CCDC178: variants seen among roughly 807,000 people sequenced by gnomAD.
The protein encoded by CCDC178 is coiled-coil domain-containing protein 178.
CCDC178 carries 126 observed loss-of-function variants against 117.4 expected under a neutral mutation model. The ratio of observed to expected loss-of-function variants is 1.07; its 90% CI spans 0.93 to 1.24. CCDC178 has a LOEUF of 1.24. Among genes scored for constraint, CCDC178 ranks in the 50% most tolerant of loss-of-function variants. The pLI, the probability that CCDC178 is intolerant of heterozygous loss-of-function variation, is 0.00. For synonymous variants in CCDC178, 283 were observed against 313.4 expected (o/e 0.90, Z 1.02); for missense variants, 1,030 against 986.9 (o/e 1.04, Z -0.59).
chr18:33,055,099 C>T (rs1000555801), intron 21 of CCDC178, among the ~76,000 whole-genome samples: 4 of 152,054 alleles, frequency 2.6e-5, no homozygotes, highest in Non-Finnish European at 5.9e-5. Flanking sequence ...CTGTTCATGT[C>T]CTTTGCCTAC....
At chr18:33,065,684 A>C (rs929990398) in intron 21 of CCDC178, among the ~76,000 whole-genome samples, 1 of 152,156 alleles carries the variant, frequency 6.6e-6, no homozygotes, top group Non-Finnish European at 1.5e-5. Flanking sequence ...TTATAAAAGC[A>C]GCAAGAGAAA....
intron 19 of CCDC178, among the ~76,000 whole-genome samples, chr18:33,213,955 A>G (rs1197250759): frequency 1.3e-5 from 2 of 152,058 alleles, no homozygotes; most frequent in African/African-American, 2.4e-5. Flanking sequence ...TATGCCCACT[A>G]TGAGTTCTCA....
intron 2 of CCDC178, among the ~76,000 whole-genome samples, chr18:33,435,165 A>G (rs1202532226): frequency 1.3e-5 from 2 of 152,162 alleles, no homozygotes; most frequent in African/African-American, 2.4e-5. Flanking sequence ...CTTAAGAGTT[A>G]ATTATATTTT....
chr18:33,430,683 G>T (rs2064201042), intron 2 of CCDC178, among the ~76,000 whole-genome samples: 1 of 152,158 alleles, frequency 6.6e-6, no homozygotes, highest in Non-Finnish European at 1.5e-5. Flanking sequence ...TCAAAGAAGA[G>T]ATCTTTGTTT....
chr18:33,037,058 G>A (rs895643323), intron 21 of CCDC178, among the ~76,000 whole-genome samples: 1 of 151,826 alleles, frequency 6.6e-6, no homozygotes, highest in Non-Finnish European at 1.5e-5. Flanking sequence ...AGTTCTTCAG[G>A]AACCAAGGCA....
At chr18:33,192,657 T>C (rs1403455257) in intron 20 of CCDC178, among the ~76,000 whole-genome samples, 1 of 152,014 alleles carries the variant, frequency 6.6e-6, no homozygotes. Flanking sequence ...TCCTAGCACT[T>C]TGCGAGGCCG....
intron 20 of CCDC178, among the ~76,000 whole-genome samples, chr18:33,130,878 C>T (rs1201419157): frequency 6.6e-6 from 1 of 151,892 alleles, no homozygotes; most frequent in African/African-American, 2.4e-5. Context: ...AAAGGAATTA[C>T]ACAATTTATT....
intron 20 of CCDC178, among the ~76,000 whole-genome samples, chr18:33,126,707 G>A (rs942018592): frequency 2.0e-5 from 3 of 151,898 alleles, no homozygotes; most frequent in Non-Finnish European, 2.9e-5. Flanking sequence ...TGCCCAGGCT[G>A]CAGTGCAGTG....
chr18:33,403,802 G>T (rs1432813005), intron 3 of CCDC178, among the ~76,000 whole-genome samples: 2 of 152,080 alleles, frequency 1.3e-5, no homozygotes, highest in African/African-American at 4.8e-5. Context: ...GCTGAGTGTG[G>T]ACTAGTTTGA....
intron 7 of CCDC178, among the ~76,000 whole-genome samples, chr18:33,351,020 C>T (rs1357519675): frequency 6.6e-6 from 1 of 152,084 alleles, no homozygotes; most frequent in East Asian, 1.9e-4. Context: ...CATAAATATC[C>T]TTTATTGTGT....
At chr18:33,148,376 AC>A (rs1229590079) in intron 20 of CCDC178, among the ~76,000 whole-genome samples, 1 of 151,996 alleles carries the variant, frequency 6.6e-6, no homozygotes, top group Non-Finnish European at 1.5e-5. Context: ...TGGTGGCAGT[AC>A]AGTCCAGCTT....
At chr18:33,439,367 A>G (rs1276233261) in intron 2 of CCDC178, among the ~76,000 whole-genome samples, 1 of 152,188 alleles carries the variant, frequency 6.6e-6, no homozygotes, top group African/African-American at 2.4e-5. Flanking sequence ...GTTGTGGATA[A>G]AAGCTCTGGC....
intron 22 of CCDC178, 179 bp from the exon 23 acceptor site, chr18:32,938,270 A>T: frequency 1.8e-6 from 1 of 541,708 alleles, no homozygotes; most frequent in East Asian, 2.9e-5. Context: ...TGATTTCTCT[A>T]TGATCTAGTA....
rs1185243928 is a variant in CCDC178, at chr18:32,937,709, AATT to A, written c.*299_*301del. ...AACAGTCACTGTCAACACCGCCAGT[AATT>A]ATTCTCTCTTCCAATTAATGGTGAC... On this transcript the variant is annotated 3_prime_UTR_variant, in exon 23 of 23. Coordinates refer to ENST00000383096, the MANE Select transcript of CCDC178 (RefSeq NM_001105528.4). 9.4e-6 allele frequency: 3 copies of A among 317,864 alleles called. No homozygotes were observed. The allele number at this position is 317,864 out of a possible 1,614,324, so 19.7% of individuals were successfully genotyped here. A position where few individuals can be genotyped will look rare whatever the true frequency, so the allele number is the denominator to read the frequency against.
chr18:33,353,098 T>G (rs757621202), intron 7 of CCDC178, among the ~76,000 whole-genome samples: 1 of 152,138 alleles, frequency 6.6e-6, no homozygotes, highest in Non-Finnish European at 1.5e-5. Context: ...TTGTTAGGTG[T>G]GTTATATTTA....
intron 20 of CCDC178, among the ~76,000 whole-genome samples, chr18:33,096,373 A>ATTTTATATAAAAATATAAAATTTTTATAT (rs2057544991): frequency 7.5e-6 from 1 of 133,802 alleles, no homozygotes; most frequent in African/African-American, 3.1e-5. Flanking sequence ...AAATTTTTAT[A>ATTTTATATAAAAATATAAAATTTTTATAT]TTTTATATAA....
chr18:33,071,826 T>C lies in CCDC178; in HGVS notation c.2388+20935A>G, dbSNP rs553928629. ...CTTGGGATCATCCAGTCAACTGCTA[T>C]TAGATAATTTGCAGTAAGTAATTTA... On this transcript the variant is annotated intron_variant, in intron 21 of 22. Transcript: ENST00000383096. 2.6e-5 allele frequency among the ~76,000 whole-genome samples: 4 copies of C among 152,286 alleles called. No homozygotes were observed. In the South Asian group the frequency reaches 8.3e-4, roughly 32 times the overall value.
At chr18:33,288,131 C>T (rs867123827) in intron 12 of CCDC178, among the ~76,000 whole-genome samples, 2 of 152,116 alleles carry the variant, frequency 1.3e-5, no homozygotes, top group African/African-American at 2.4e-5. Context: ...CTACTCTCTA[C>T]ACTCCAGGTC....
intron 20 of CCDC178, among the ~76,000 whole-genome samples, chr18:33,182,874 T>C (rs903364109): frequency 2.6e-5 from 4 of 152,018 alleles, no homozygotes; most frequent in Non-Finnish European, 5.9e-5. Context: ...TGTGACCGTT[T>C]GGTTTAATGA....
Sources: gnomAD v4.1 joint callset for allele counts (sites outside exome capture counted in the v4.1 genomes callset) on GRCh38, gnomAD v4.1.1 for gene constraint, MANE v1.5 for transcripts, NCBI Gene and HGNC (gene_info 2026-07-23, HGNC 2026-07-21) for gene names.